Variants in RCAN2 observed in about 807,000 individuals in gnomAD.
RCAN2 encodes regulator of calcineurin 2, also known as calcipressin-2.
Under a neutral mutation model 23.6 loss-of-function variants are expected in RCAN2, and 9 were observed. The ratio of observed to expected loss-of-function variants is 0.38; its 90% CI spans 0.23 to 0.67. RCAN2 has a LOEUF of 0.67. RCAN2 is among the 30% of genes least tolerant of loss of function. The probability of loss-of-function intolerance (pLI) is 0.51; values close to 1 mark genes in which losing one functional copy is unlikely to be tolerated. For synonymous variants in RCAN2, 109 were observed against 115.7 expected (o/e 0.94, Z 0.37); for missense variants, 273 against 302.3 (o/e 0.90, Z 0.72).
At chr6:46,377,912 A>C (rs1765521693) in intron 2 of RCAN2, among the ~76,000 whole-genome samples, 1 of 152,216 alleles carries the variant, frequency 6.6e-6, no homozygotes, top group South Asian at 2.1e-4. Context: ...CATAATAGAT[A>C]CAATGCCAGT....
In RCAN2 at chr6:46,491,252, G is replaced by C. The variant is rs1350534214; in HGVS notation, c.-82C>G. 2.6e-5 allele frequency: 4 copies of C among 151,386 alleles called. No individual in the cohort carries two copies. In the East Asian group the frequency reaches 7.8e-4, roughly 29 times the overall value. The allele number at this position is 151,386 out of a possible 1,614,324, so 9.4% of individuals were successfully genotyped here. ...GCGTCTACGGGGGCCAGCTGCTAGC[G>C]CGCGGCGCTGCCTGCTCACCTGCCC... On this transcript the variant is annotated 5_prime_UTR_variant, in exon 1 of 5. Coordinates refer to ENST00000371374, the MANE Select transcript of RCAN2 (RefSeq NM_001251974.2).
At chr6:46,246,652 G>A (rs146278727) in intron 4 of RCAN2, 96 bp downstream of exon 4, 2 of 970,048 alleles carry the variant, frequency 2.1e-6, no homozygotes, top group East Asian at 2.5e-5. Flanking sequence ...AAATGCAGAT[G>A]TTACTGTGAA....
At chr6:46,234,546 C>A (rs1766023229) in intron 4 of RCAN2, among the ~76,000 whole-genome samples, 1 of 152,184 alleles carries the variant, frequency 6.6e-6, no homozygotes, top group South Asian at 2.1e-4. Flanking sequence ...CAGCATTTCT[C>A]TGAAAAGACA....
At chr6:46,339,832 T>A (rs1582121147) in intron 2 of RCAN2, among the ~76,000 whole-genome samples, 1 of 152,138 alleles carries the variant, frequency 6.6e-6, no homozygotes, top group Admixed American at 6.5e-5. Flanking sequence ...GAGGGAAATG[T>A]TAGAATCCAA....
At chr6:46,315,419 T>G (rs1029911346) in intron 2 of RCAN2, among the ~76,000 whole-genome samples, 1 of 151,956 alleles carries the variant, frequency 6.6e-6, no homozygotes, top group African/African-American at 2.4e-5. Flanking sequence ...TGTGTAGGTG[T>G]GGTAGTCAGG....
intron 4 of RCAN2, among the ~76,000 whole-genome samples, chr6:46,242,163 C>T (rs1766328805): frequency 1.3e-5 from 2 of 152,316 alleles, no homozygotes; most frequent in South Asian, 4.2e-4. Context: ...AGGTTTGGGT[C>T]TGATCATGGT....
At chr6:46,289,739 C>T (rs923331644) in intron 2 of RCAN2, among the ~76,000 whole-genome samples, 1 of 152,156 alleles carries the variant, frequency 6.6e-6, no homozygotes, top group Non-Finnish European at 1.5e-5. Flanking sequence ...CTGTGAAAGG[C>T]ATTGCTAATT....
At chr6:46,300,184 G>A (rs944017367) in intron 2 of RCAN2, among the ~76,000 whole-genome samples, 1 of 151,738 alleles carries the variant, frequency 6.6e-6, no homozygotes, top group African/African-American at 2.4e-5. Flanking sequence ...AAAAAAGATG[G>A]AAAATATAGA....
At chr6:46,283,905 C>T (rs372050566) in intron 2 of RCAN2, among the ~76,000 whole-genome samples, 1 of 152,274 alleles carries the variant, frequency 6.6e-6, no homozygotes, top group Admixed American at 6.5e-5. Flanking sequence ...GAGCAAAGTC[C>T]TACTGTGTGC....
chr6:46,291,057 C>G (rs1762542729), intron 2 of RCAN2, among the ~76,000 whole-genome samples: 1 of 152,146 alleles, frequency 6.6e-6, no homozygotes, highest in Admixed American at 6.5e-5. Context: ...GCCACAGTTT[C>G]ATGAGCAGCA....
intron 4 of RCAN2, among the ~76,000 whole-genome samples, chr6:46,244,489 C>T (rs2150316001): frequency 6.6e-6 from 1 of 152,324 alleles, no homozygotes; most frequent in Non-Finnish European, 1.5e-5. Flanking sequence ...GAACTTGCCC[C>T]TAGCTTTTTC....
intron 2 of RCAN2, among the ~76,000 whole-genome samples, chr6:46,319,847 G>T (rs1158080999): frequency 1.3e-5 from 2 of 152,086 alleles, no homozygotes; most frequent in Non-Finnish European, 2.9e-5. Context: ...TTTGCTGGAG[G>T]GTTAGAATCT....
intron 2 of RCAN2, among the ~76,000 whole-genome samples, chr6:46,285,852 A>G (rs932630161): frequency 2.0e-5 from 3 of 152,150 alleles, no homozygotes; most frequent in African/African-American, 4.8e-5. Flanking sequence ...GCAGCTCAAG[A>G]GTTAGACAGA....
chr6:46,433,195 T>C (rs1767267175), intron 2 of RCAN2, among the ~76,000 whole-genome samples: 1 of 152,158 alleles, frequency 6.6e-6, no homozygotes, highest in Non-Finnish European at 1.5e-5. Flanking sequence ...AGAGAAAAGA[T>C]GTTAGTCTAC....
At chr6:46,229,937 A>G (rs1418181301) in intron 4 of RCAN2, among the ~76,000 whole-genome samples, 2 of 152,108 alleles carry the variant, frequency 1.3e-5, no homozygotes, top group East Asian at 3.9e-4. Flanking sequence ...TGATGATGGT[A>G]ACGTACAGAT....
At chr6:46,252,194 G>T (rs1766754562) in intron 2 of RCAN2, among the ~76,000 whole-genome samples, 1 of 152,088 alleles carries the variant, frequency 6.6e-6, no homozygotes, top group Non-Finnish European at 1.5e-5. Flanking sequence ...CCAGCACAAT[G>T]AAGCCACCAG....
chr6:46,436,543 A>G (rs1448659606), intron 2 of RCAN2, among the ~76,000 whole-genome samples: 1 of 152,170 alleles, frequency 6.6e-6, no homozygotes, highest in East Asian at 1.9e-4. Context: ...AAATGATGCA[A>G]GATGCAGATC....
intron 4 of RCAN2, among the ~76,000 whole-genome samples, chr6:46,231,864 G>A (rs1765904019): frequency 6.6e-6 from 1 of 152,128 alleles, no homozygotes; most frequent in African/African-American, 2.4e-5. Flanking sequence ...CTGGGTGAGG[G>A]CAGCAAATAT....
chr6:46,329,685 G>C (rs78849366), intron 2 of RCAN2, among the ~76,000 whole-genome samples: 2,080 of 152,260 alleles, frequency 0.014, 38 homozygotes, highest in African/African-American at 0.047. Flanking sequence ...TCATCTCTGA[G>C]AGCTGAGTCC....
Sources: allele counts gnomAD v4.1 joint callset (sites outside exome capture counted in the v4.1 genomes callset), GRCh38; gene constraint gnomAD v4.1.1; transcripts MANE v1.5; gene names NCBI Gene and HGNC (gene_info 2026-07-23, HGNC 2026-07-21).